IFT88: variants seen among roughly 807,000 people sequenced by gnomAD.
IFT88 encodes the protein intraflagellar transport protein 88 homolog.
IFT88 carries 74 observed loss-of-function variants against 119.5 expected under a neutral mutation model. That is an observed-to-expected ratio of 0.62 (90% CI 0.51 to 0.75). The LOEUF (loss-of-function observed/expected upper bound fraction) is 0.75, where lower values mean the gene tolerates loss of function less well. IFT88 is among the 30% of genes least tolerant of loss of function. The pLI, the probability that IFT88 is intolerant of heterozygous loss-of-function variation, is 0.00. For synonymous variants in IFT88, 279 were observed against 316.7 expected, an observed-to-expected ratio of 0.88 and a Z score of 1.26; for missense variants, 961 against 977.7, an observed-to-expected ratio of 0.98 and a Z score of 0.23.
intron 7 of IFT88, among the ~76,000 whole-genome samples, chr13:20,593,085 GA>G (rs2040988526): frequency 6.6e-6 from 1 of 152,132 alleles, no homozygotes; most frequent in Non-Finnish European, 1.5e-5. Context: ...AAAAAATTAA[GA>G]GAACACATAT....
intron 2 of IFT88, 148 bp downstream of exon 2, chr13:20,574,623 T>C (rs2037020119): frequency 2.2e-6 from 1 of 455,990 alleles, no homozygotes; most frequent in Non-Finnish European, 4.0e-6. Flanking sequence ...AAGACTCTAC[T>C]GACTTCCACC....
At position 20,597,122 on chromosome 13, in the gene IFT88, A is replaced by C; in HGVS notation, c.594+3A>C. 1 of 1,512,208 alleles carries C rather than the reference A, an allele frequency of 6.6e-7. No homozygotes were observed. Among genetic ancestry groups the C allele is most frequent in the Non-Finnish European group, 9.1e-7 (1 of 1,100,700 alleles). The allele number at this position is 1,512,208 out of a possible 1,614,324, so 93.7% of individuals were successfully genotyped here. On this transcript the variant is annotated splice_donor_region_variant and intron_variant, in intron 9 of 25. Coordinates refer to ENST00000351808, the MANE Select transcript of IFT88 (RefSeq NM_006531.5). ...TCAATTTGGATTTAACTTACTCAGT[A>C]AGTATTGAAATATAACACAATTTTT...
At chr13:20,582,866 G>C in intron 2 of IFT88, 91 bp from the exon 3 acceptor site, 1 of 917,114 alleles carries the variant, frequency 1.1e-6, no homozygotes, top group Non-Finnish European at 1.7e-6. Flanking sequence ...ATGAGTTATA[G>C]AGGCTCTTGA....
chr13:20,669,569 G>A (rs556826275), intron 23 of IFT88, among the ~76,000 whole-genome samples: 8 of 151,704 alleles, frequency 5.3e-5, no homozygotes, highest in South Asian at 2.1e-4. Context: ...GATTACAGGC[G>A]CCTGCCACCA....
At chr13:20,601,368 A>G (rs897526560) in intron 11 of IFT88, among the ~76,000 whole-genome samples, 1 of 1,644 alleles carries the variant, frequency 6.1e-4, no homozygotes, top group Non-Finnish European at 2.1e-3. Flanking sequence ...CCTGTCTGAA[A>G]AAAAAAAAAA....
At chr13:20,643,362 GGCTAAGAAATATTGTTACTGTAA>G (rs2050250793) in intron 18 of IFT88, 70 bp from the exon 19 acceptor site, 1 of 961,866 alleles carries the variant, frequency 1.0e-6, no homozygotes, top group Non-Finnish European at 1.6e-6. Context: ...CATTACTGTA[GGCTAAGAAATATTGTTACTGTAA>G]TGTTTTTTAA....
At chr13:20,638,661 C>CA (rs761526359) in intron 17 of IFT88, 143 bp downstream of exon 17, 28 of 443,032 alleles carry the variant, frequency 6.3e-5, no homozygotes, top group Non-Finnish European at 9.6e-5. Context: ...TACTGCCTCT[C>CA]AGATTATAGA....
chr13:20,684,430 A>G (rs192046028), intron 24 of IFT88, among the ~76,000 whole-genome samples: 1 of 152,250 alleles, frequency 6.6e-6, no homozygotes, highest in Non-Finnish European at 1.5e-5. Flanking sequence ...CTCTTCTGTT[A>G]GTTACTTCGT....
Position 20,691,306 on chromosome 13 carries a change from CTGTA to C in IFT88, c.*138_*141del, listed in dbSNP as rs2058442973. On this transcript the variant is annotated 3_prime_UTR_variant, in exon 26 of 26. Coordinates refer to ENST00000351808, the MANE Select transcript of IFT88 (RefSeq NM_006531.5). ...AAAACTTAAGTAAGTGTATTCTATT[CTGTA>C]TGTATGCATTTAAGTTGTTTTTTTC... The C allele has an allele frequency of 1.3e-6, 1 of 791,082 alleles. No homozygotes were observed. Among genetic ancestry groups the C allele is most frequent in the African/African-American group, 1.8e-5 (1 of 56,994 alleles). The allele number at this position is 791,082 out of a possible 1,614,324, so 49.0% of individuals were successfully genotyped here.
Position 20,671,039 on chromosome 13 carries a change from G to A in IFT88, c.2242G>A (p.Asp748Asn), listed in dbSNP as rs1251775666. The stretch of plus-strand genomic sequence containing the variant: ...CAAAAGAGAAGGAAGTGCTAGCGGT[G>A]GTAAGTATTTTCTCTTTCCCTGAAA... Reference protein sequence around the residue: ...RGKREGSASGDSGQNYSASSK... With the variant: ...RGKREGSASGNSGQNYSASSK... Residue 748 changes from aspartate (D) to asparagine (N), a missense_variant and splice_region_variant, in exon 24 of 26, where the codon GAT becomes AAT. Asp to Asn is a conservative substitution (Grantham distance 23, BLOSUM62 1). Coordinates refer to ENST00000351808, the MANE Select transcript of IFT88 (RefSeq NM_006531.5). 2.5e-6 allele frequency: 4 copies of A among 1,612,854 alleles called. No individual in the cohort carries two copies. Among genetic ancestry groups the A allele is most frequent in the Non-Finnish European group, 3.4e-6 (4 of 1,179,284 alleles).
intron 7 of IFT88, among the ~76,000 whole-genome samples, chr13:20,592,620 C>T (rs771897067): frequency 1.3e-5 from 2 of 152,020 alleles, no homozygotes; most frequent in African/African-American, 2.4e-5. Flanking sequence ...CAGGTGCCTG[C>T]GACTACATCC....
At chr13:20,582,791 A>C (rs1248784289) in intron 2 of IFT88, among the ~76,000 whole-genome samples, 166 bp from the exon 3 acceptor site, 1 of 152,170 alleles carries the variant, frequency 6.6e-6, no homozygotes, top group African/African-American at 2.4e-5. Flanking sequence ...GAGGTTTGCT[A>C]TTCTGGGTAG....
rs1435217441 is a variant in IFT88, at chr13:20,668,666, G to A, written c.2176-2307G>A. 2.8e-4 allele frequency among the ~76,000 whole-genome samples: 43 copies of A among 152,102 alleles called. 1 individual carries two copies. Among genetic ancestry groups the A allele is most frequent in the Non-Finnish European group, 1.5e-5 (1 of 68,022 alleles). ...AGGAGAAAGACAAACCGGTAGAGTC[G>A]GACCCTGAGCATAATGAGAGCACAT... is the stretch of plus-strand genomic sequence containing the variant. On this transcript the variant is annotated intron_variant, in intron 23 of 25. Coordinates refer to ENST00000351808, the MANE Select transcript of IFT88 (RefSeq NM_006531.5).
At chr13:20,568,214 T>C (rs890729544) in intron 1 of IFT88, among the ~76,000 whole-genome samples, 19 of 152,170 alleles carry the variant, frequency 1.2e-4, no homozygotes, top group Admixed American at 1.2e-3. Context: ...ATTTGATTTA[T>C]ATTAAACATA....
intron 1 of IFT88, among the ~76,000 whole-genome samples, chr13:20,573,902 A>G (rs1036142171): frequency 1.3e-5 from 2 of 152,244 alleles, no homozygotes; most frequent in South Asian, 4.1e-4. Flanking sequence ...TAAATGTGAA[A>G]TGAGGACAAT....
At chr13:20,644,170 C>T (rs775391486) in intron 19 of IFT88, among the ~76,000 whole-genome samples, 24 of 152,122 alleles carry the variant, frequency 1.6e-4, no homozygotes, top group Non-Finnish European at 2.8e-4. Context: ...AGATGAAGAA[C>T]AGCCTAGGCA....
chr13:20,583,885 G>A (rs200931373), intron 3 of IFT88, among the ~76,000 whole-genome samples: 65 of 152,152 alleles, frequency 4.3e-4, no homozygotes, highest in Non-Finnish European at 7.2e-4. Flanking sequence ...TGTACAGACC[G>A]TCCCTTCCCT....
intron 22 of IFT88, among the ~76,000 whole-genome samples, chr13:20,659,274 G>T (rs1205324147): frequency 6.6e-6 from 1 of 152,152 alleles, no homozygotes; most frequent in Non-Finnish European, 1.5e-5. Flanking sequence ...CCGGAGGATT[G>T]CTTGAGCCCA....
intron 14 of IFT88, among the ~76,000 whole-genome samples, chr13:20,623,694 C>T (rs1336184707): frequency 6.6e-6 from 1 of 152,142 alleles, no homozygotes; most frequent in African/African-American, 2.4e-5. Flanking sequence ...CCAGGATGGT[C>T]TCAATCTCCT....
Sources: allele counts gnomAD v4.1 joint callset (sites outside exome capture counted in the v4.1 genomes callset), GRCh38; gene constraint gnomAD v4.1.1; transcripts MANE v1.5; gene names NCBI Gene and HGNC (gene_info 2026-07-23, HGNC 2026-07-21).